Variants in HTRA3 observed in about 807,000 individuals in gnomAD.
HTRA3 encodes the protein serine protease HTRA3.
In HTRA3, 41 loss-of-function variants were observed where a neutral mutation model predicts 43.2. The observed-to-expected ratio is 0.95, with a 90% confidence interval of 0.74 to 1.23. The LOEUF (loss-of-function observed/expected upper bound fraction) is 1.23. Ranked by LOEUF, HTRA3 falls within the 50% of genes most tolerant of loss-of-function variation. The pLI, the probability that HTRA3 is intolerant of heterozygous loss-of-function variation, is 0.00. For synonymous variants in HTRA3, 295 were observed against 287.9 expected, an observed-to-expected ratio of 1.02 and a Z score of -0.25; for missense variants, 628 against 647.1, an observed-to-expected ratio of 0.97 and a Z score of 0.32.
rs575346210 is a variant in HTRA3 at position 8,283,738 on chromosome 4, G to T, written c.485+1202G>T. On this transcript the variant is annotated intron_variant, in intron 2 of 8. Transcript: ENST00000307358. ...CGGCAATGAGCAGTCACCAGAGGCC[G>T]CAGGCCAGGGCTCCAGGGACTTGCT... 7.2e-5 allele frequency among the ~76,000 whole-genome samples: 11 copies of T among 152,340 alleles called. No individual in the cohort carries two copies. The South Asian group carries it at 2.3e-3, about 32-fold the overall frequency.
At chr4:8,271,361 T>G (rs1217129111) in intron 1 of HTRA3, among the ~76,000 whole-genome samples, 1 of 152,164 alleles carries the variant, frequency 6.6e-6, no homozygotes, top group African/African-American at 2.4e-5. Flanking sequence ...ACCTGCAGTG[T>G]CCTCAATTGA....
chr4:8,303,352 T>G (rs1713729184), intron 7 of HTRA3, among the ~76,000 whole-genome samples: 2 of 152,126 alleles, frequency 1.3e-5, no homozygotes, highest in African/African-American at 4.8e-5. Context: ...ATTCCTCCAC[T>G]CTGCCCCAAA....
Position 8,270,215 on chromosome 4 carries a change from T to A in HTRA3, c.247T>A (p.Cys83Ser). The A allele has an allele frequency of 6.5e-7, 1 of 1,538,558 alleles. No homozygotes were observed. The highest frequency in any genetic ancestry group is 1.4e-5 in the African/African-American group (1 of 70,348). ...SLECVRGLCR[C>S]RWSHAVCGTD... ...GGAGTGCGTGCGCGGCCTATGCCGC[T>A]GCCGCTGGTCGCACGCCGTGTGTGG... is the stretch of plus-strand genomic sequence containing the variant. Residue 83 changes from cysteine (C) to serine (S), a missense_variant, in exon 1 of 9, where the codon TGC (cysteine) becomes AGC (serine). Cys to Ser is a moderately radical substitution (Grantham distance 112, BLOSUM62 -1). Coordinates refer to ENST00000307358, the MANE Select transcript of HTRA3 (RefSeq NM_053044.5).
In HTRA3 at chr4:8,286,897, GA is replaced by G; in HGVS notation, c.708+117del. ...CCCACCTTCCATCAGCCAGGGGGAG[GA>G]AACTGGGCCCAGGGAGGACTGGCAG... On this transcript the variant is annotated intron_variant, in intron 3 of 8. Coordinates refer to ENST00000307358, the MANE Select transcript of HTRA3 (RefSeq NM_053044.5). The surrounding 1 kb of genome is among the most constrained non-coding windows in gnomAD (Gnocchi z 4.9). The G allele has an allele frequency of 1.3e-6, 1 of 774,828 alleles. No homozygotes were observed. Among genetic ancestry groups the G allele is most frequent in the Non-Finnish European group, 2.1e-6 (1 of 473,682 alleles). The allele number at this position is 774,828 out of a possible 1,614,324, so 48.0% of individuals were successfully genotyped here.
At chr4:8,290,204 A>T (rs920187601) in intron 3 of HTRA3, among the ~76,000 whole-genome samples, 1 of 152,228 alleles carries the variant, frequency 6.6e-6, no homozygotes, top group African/African-American at 2.4e-5. Context: ...TTCCCACACC[A>T]GCGCCCGCCC....
At chr4:8,288,899 G>GTCCTTCCGTCCGTCCT (rs1713107804) in intron 3 of HTRA3, among the ~76,000 whole-genome samples, 1 of 101,460 alleles carries the variant, frequency 9.9e-6, no homozygotes, top group Non-Finnish European at 2.1e-5. Context: ...CCTTCCGTCC[G>GTCCTTCCGTCCGTCCT]TCCTTCCTTC....
chr4:8,290,828 G>A (rs1010630978), intron 3 of HTRA3, among the ~76,000 whole-genome samples: 2 of 152,168 alleles, frequency 1.3e-5, no homozygotes, highest in African/African-American at 4.8e-5. Context: ...CGCGGCGTGG[G>A]GTGGAGCTCG....
intron 1 of HTRA3, among the ~76,000 whole-genome samples, chr4:8,282,106 T>G (rs1712771555): frequency 6.6e-6 from 1 of 152,180 alleles, no homozygotes; most frequent in African/African-American, 2.4e-5. Flanking sequence ...AGCCCTGGCC[T>G]CACTCCCGTG....
At position 8,276,033 on chromosome 4, in the gene HTRA3, G is replaced by A. The variant is rs181773111; in HGVS notation, c.385+5680G>A. ...GTCCTTGGTGCAGCAAAGATATGGC[G>A]AGGACACGTCCATATGTTCCCCAAG... On this transcript the variant is annotated intron_variant, in intron 1 of 8. Transcript: ENST00000307358. Among the ~76,000 whole-genome samples, 324 of 152,316 alleles carry A rather than the reference G, an allele frequency of 2.1e-3. 12 individuals are homozygous for A. Among genetic ancestry groups the A allele is most frequent in the Admixed American group, 0.019 (297 of 15,302 alleles).
At chr4:8,300,626 G>A (rs1358370292) in intron 6 of HTRA3, among the ~76,000 whole-genome samples, 1 of 152,076 alleles carries the variant, frequency 6.6e-6, no homozygotes, top group Non-Finnish European at 1.5e-5. Flanking sequence ...TGTCATGATC[G>A]ATCTTGCTAA....
chr4:8,291,654 C>T (rs1713247917), intron 4 of HTRA3, 90 bp downstream of exon 4: 3 of 903,472 alleles, frequency 3.3e-6, no homozygotes, highest in Non-Finnish European at 5.0e-6. Flanking sequence ...TTGCCCCCCT[C>T]CCCAGAGCCA....
intron 7 of HTRA3, among the ~76,000 whole-genome samples, 197 bp downstream of exon 7, chr4:8,302,708 C>G (rs903542919): frequency 6.6e-6 from 1 of 152,268 alleles, no homozygotes; most frequent in Non-Finnish European, 1.5e-5. Context: ...ATTCCTTCTG[C>G]TCTTTCAGGA....
intron 5 of HTRA3, among the ~76,000 whole-genome samples, chr4:8,293,749 CCT>C (rs755771575): frequency 5.3e-5 from 8 of 152,276 alleles, no homozygotes; most frequent in East Asian, 1.9e-4. Flanking sequence ...CATGTTCCTC[CCT>C]CTCTCGGTCC....
chr4:8,285,863 C>G (rs1207528832), intron 2 of HTRA3, among the ~76,000 whole-genome samples: 1 of 152,250 alleles, frequency 6.6e-6, no homozygotes, highest in Admixed American at 6.5e-5. Context: ...GCTGCCAGCA[C>G]TGCCACATTT....
At position 8,295,624 on chromosome 4, in the gene HTRA3, C is replaced by A; in HGVS notation, c.1051+1423C>A. 2 of 1,205,918 alleles carry A rather than the reference C, an allele frequency of 1.7e-6. No homozygotes were observed. Among genetic ancestry groups the A allele is most frequent in the Non-Finnish European group, 2.2e-6 (2 of 929,196 alleles). The allele number at this position is 1,205,918 out of a possible 1,614,324, so 74.7% of individuals were successfully genotyped here. ...CTCCTGCCATTGTGTCTCCTGTGCC[C>A]ACCTCCTGGCCAACGCCCAGGCCTG... On this transcript the variant is annotated intron_variant, in intron 6 of 8. Coordinates refer to ENST00000307358, the MANE Select transcript of HTRA3 (RefSeq NM_053044.5). The surrounding 1 kb of genome is among the most constrained non-coding windows in gnomAD (Gnocchi z 6.9).
At chr4:8,298,257 C>T (rs1013772295) in intron 6 of HTRA3, among the ~76,000 whole-genome samples, 1 of 152,214 alleles carries the variant, frequency 6.6e-6, no homozygotes, top group Non-Finnish European at 1.5e-5. Flanking sequence ...TCAGGCCTCC[C>T]GGCCAGCTCT....
At position 8,286,751 on chromosome 4, in the gene HTRA3, T is replaced by A. The variant is rs776517422; in HGVS notation, c.676T>A (p.Ser226Thr). The A allele has an allele frequency of 6.2e-7, 1 of 1,613,946 alleles. No individual in the cohort carries two copies. The highest frequency in any genetic ancestry group is 1.1e-5 in the South Asian group (1 of 91,076). Residue 226 changes from serine to threonine, a missense_variant, in exon 3 of 9, where the codon TCG (serine) becomes ACG (threonine). Ser to Thr is a moderately conservative substitution (Grantham distance 58). Transcript: ENST00000307358. This position sits in a 1 kb window ranked among gnomAD's most constrained non-coding sequence, Gnocchi z 4.9. ...CACCATCAAAGACATCGACAAGAAG[T>A]CGGACATTGCCACCATCAAGATCCA... is the stretch of plus-strand genomic sequence containing the variant. ...EATIKDIDKK[S>T]DIATIKIHPK...
chr4:8,281,202 C>A (rs1280489412), intron 1 of HTRA3, among the ~76,000 whole-genome samples: 4 of 152,248 alleles, frequency 2.6e-5, no homozygotes, highest in South Asian at 2.1e-4. Flanking sequence ...GCCCTGCCCC[C>A]ACAGTGGCAT....
rs190270951 is a variant in HTRA3 at position 8,297,048 on chromosome 4, G to A, written c.1051+2847G>A. On this transcript the variant is annotated intron_variant, in intron 6 of 8. Transcript: ENST00000307358. The surrounding 1 kb of genome is among the most constrained non-coding windows in gnomAD (Gnocchi z 5.8). ...GTTCCCCAGCCTCAGAGGTCACAGG[G>A]TCCCTTGGTCTCAGAAGCCAAAAGG... Among the ~76,000 whole-genome samples the A allele has an allele frequency of 8.1e-4, 123 of 152,142 alleles. No homozygotes were observed. The highest frequency in any genetic ancestry group is 2.7e-3 in the African/African-American group (113 of 41,494).
Sources: allele counts gnomAD v4.1 joint callset (sites outside exome capture counted in the v4.1 genomes callset), GRCh38; gene constraint gnomAD v4.1.1; non-coding constraint Gnocchi (gnomAD v3.1); transcripts MANE v1.5; gene names NCBI Gene and HGNC (gene_info 2026-07-23, HGNC 2026-07-21).